Variants in COL27A1 observed in about 807,000 individuals in gnomAD.
COL27A1 encodes collagen type XXVII alpha 1 chain.
A neutral mutation model predicts 251.3 loss-of-function variants in COL27A1; 106 were observed. That is an observed-to-expected ratio of 0.42 (90% confidence interval 0.36 to 0.50). COL27A1 has a LOEUF of 0.50. Among genes scored for constraint, COL27A1 ranks in the 20% least tolerant of loss-of-function variants. The pLI is 0.00. For synonymous variants in COL27A1, 1,000 were observed against 986.3 expected (o/e 1.01, Z -0.26); for missense variants, 2,325 against 2,522.8 (o/e 0.92, Z 1.68).
chr9:114,223,955 G>T (rs1017737015), intron 14 of COL27A1, among the ~76,000 whole-genome samples: 3 of 152,098 alleles, frequency 2.0e-5, no homozygotes, highest in African/African-American at 4.8e-5. Flanking sequence ...GCAGCTATCC[G>T]GGTTACTGAA....
intron 5 of COL27A1, among the ~76,000 whole-genome samples, chr9:114,190,550 G>A (rs1032332384): frequency 2.0e-5 from 3 of 152,156 alleles, no homozygotes; most frequent in Admixed American, 2.0e-4. Flanking sequence ...TTACAGGCAT[G>A]AGCCACCATG....
At chr9:114,282,360 T>C in intron 38 of COL27A1, 30 bp downstream of exon 38, 3 of 1,613,544 alleles carry the variant, frequency 1.9e-6, no homozygotes, top group Non-Finnish European at 2.5e-6. Context: ...TTGATAGGCC[T>C]GCGTCCCTCC....
At chr9:114,247,229 A>G (rs1458338443) in intron 24 of COL27A1, among the ~76,000 whole-genome samples, 2 of 152,172 alleles carry the variant, frequency 1.3e-5, no homozygotes, top group African/African-American at 4.8e-5. Context: ...AGCGGCCTCA[A>G]TTTTGAAGTA....
intron 8 of COL27A1, among the ~76,000 whole-genome samples, 179 bp from the exon 9 acceptor site, chr9:114,205,580 G>A (rs972086108): frequency 6.6e-6 from 1 of 152,198 alleles, no homozygotes; most frequent in African/African-American, 2.4e-5. Context: ...TTGTCCCTCA[G>A]AGCTGGTCTG....
At chr9:114,205,583 C>G (rs1055319029) in intron 8 of COL27A1, among the ~76,000 whole-genome samples, 176 bp from the exon 9 acceptor site, 4 of 152,224 alleles carry the variant, frequency 2.6e-5, no homozygotes, top group Non-Finnish European at 5.9e-5. Context: ...TCCCTCAGAG[C>G]TGGTCTGACC....
intron 2 of COL27A1, among the ~76,000 whole-genome samples, chr9:114,166,368 A>AATCC (rs377695234): frequency 0.24 from 8,715 of 37,072 alleles, 578 homozygotes; most frequent in African/African-American, 0.31. Context: ...TCCATCCATC[A>AATCC]ATCCATCCAT....
chr9:114,283,747 A>G lies in COL27A1; in HGVS notation c.3918A>G (p.Gly1306=). The G allele has an allele frequency of 6.2e-7, 1 of 1,614,058 alleles. No individual in the cohort carries two copies. The highest frequency in any genetic ancestry group is 8.5e-7 in the Non-Finnish European group (1 of 1,179,990). Residue 1306 remains glycine, a synonymous_variant, in exon 40 of 61, where the codon GGA becomes GGG. Transcript: ENST00000356083. ...GCATGGGGGCCCAAGGAGAACCGGG[A>G]CTGGCTGGTTATGATGTAAGCAGAT... ...PGRMGAQGEP[G]LAGYDGHKGI...
intron 37 of COL27A1, among the ~76,000 whole-genome samples, chr9:114,279,352 A>T (rs140339710): frequency 6.6e-6 from 1 of 152,196 alleles, no homozygotes; most frequent in Non-Finnish European, 1.5e-5. Context: ...ACAAACATTT[A>T]TGTGGAATGA....
At chr9:114,304,190 C>T (rs1828864293) in intron 56 of COL27A1, among the ~76,000 whole-genome samples, 1 of 152,160 alleles carries the variant, frequency 6.6e-6, no homozygotes, top group African/African-American at 2.4e-5. Context: ...CCAGATGGTG[C>T]ATTGAAGGGA....
chr9:114,289,399 C>A (rs1588879456), intron 45 of COL27A1, 104 bp downstream of exon 45: 1 of 1,194,112 alleles, frequency 8.4e-7, no homozygotes, highest in Non-Finnish European at 1.2e-6. Context: ...GGCTGCGAGG[C>A]AGGGTAGGGA....
intron 53 of COL27A1, 45 bp downstream of exon 53, chr9:114,301,364 G>T: frequency 2.5e-6 from 4 of 1,612,226 alleles, no homozygotes; most frequent in South Asian, 2.2e-5. Flanking sequence ...CTGCAGGGGC[G>T]GGGGAGGGGT....
chr9:114,264,275 GGAGCAGCCCCGCCCTCCTGGTTCTCC>G, intron 28 of COL27A1, 54 bp from the exon 29 acceptor site: 1 of 1,169,336 alleles, frequency 8.6e-7, no homozygotes, highest in South Asian at 1.7e-5. Flanking sequence ...CCCCAGGCTT[GGAGCAGCCCCGCCCTCCTGGTTCTCC>G]GCCCGAGGGA....
intron 4 of COL27A1, among the ~76,000 whole-genome samples, chr9:114,181,745 A>C (rs990541021): frequency 2.1e-4 from 32 of 152,052 alleles, no homozygotes; most frequent in Non-Finnish European, 2.8e-4. Flanking sequence ...GTTATCGGGG[A>C]ACTTGGATAT....
At chr9:114,204,987 TC>T in intron 7 of COL27A1, 114 bp from the exon 8 acceptor site, 3 of 910,586 alleles carry the variant, frequency 3.3e-6, no homozygotes, top group Non-Finnish European at 5.3e-6. Context: ...GCACACTCCA[TC>T]CCGGATGCAG....
At chr9:114,302,469 G>A (rs574873186) in intron 56 of COL27A1, among the ~76,000 whole-genome samples, 17 of 152,298 alleles carry the variant, frequency 1.1e-4, no homozygotes, top group Non-Finnish European at 1.8e-4. Flanking sequence ...GCTCATGCCT[G>A]TAATCCCAGC....
intron 27 of COL27A1, among the ~76,000 whole-genome samples, chr9:114,254,716 C>T (rs1380912300): frequency 6.6e-6 from 1 of 152,180 alleles, no homozygotes; most frequent in African/African-American, 2.4e-5. Flanking sequence ...TAAACCTGTT[C>T]TCTACTGTGA....
In COL27A1 at chr9:114,169,374, A is replaced by G; in HGVS notation, c.1819A>G (p.Ser607Gly). The G allele has an allele frequency of 6.2e-7, 1 of 1,611,440 alleles. No individual in the cohort carries two copies. Residue 607 changes from serine to glycine, a missense_variant, in exon 3 of 61, where the codon AGT becomes GGT. Around this residue, in one of 4 missense-constraint regions of COL27A1, gnomAD observed 1,183 missense variants for 1,144.1 expected, o/e 1.03. Coordinates refer to ENST00000356083, the MANE Select transcript of COL27A1 (RefSeq NM_032888.4). The stretch of plus-strand genomic sequence containing the variant: ...GTCCTCCAGCCCCCGGCCCACGAGC[A>G]GTGGCTATTCGATCTTCCACCTGGC... ...FLSSSPRPTS[S>G]GYSIFHLAGS...
chr9:114,282,348 A>C lies in COL27A1; in HGVS notation c.3771+18A>C, dbSNP rs765287889. The C allele has an allele frequency of 6.2e-7, 1 of 1,613,826 alleles. No homozygotes were observed. Among genetic ancestry groups the C allele is most frequent in the Non-Finnish European group, 8.5e-7 (1 of 1,179,924 alleles). On this transcript the variant is annotated intron_variant, in intron 38 of 60. Coordinates refer to ENST00000356083, the MANE Select transcript of COL27A1 (RefSeq NM_032888.4). ...GAGCCAAGGTAGGTGTCCCCTTCTGACTTGATAGGCCTGCGTCCCTCCCCC... is the reference window on the plus strand; with the variant it reads ...GAGCCAAGGTAGGTGTCCCCTTCTGCCTTGATAGGCCTGCGTCCCTCCCCC...
intron 12 of COL27A1, among the ~76,000 whole-genome samples, chr9:114,211,494 C>A (rs1418932917): frequency 6.6e-6 from 1 of 152,258 alleles, no homozygotes; most frequent in Non-Finnish European, 1.5e-5. Context: ...GCAGTGCCCA[C>A]AGCAGGCATG....
Sources: allele counts gnomAD v4.1 joint callset (sites outside exome capture counted in the v4.1 genomes callset), GRCh38; gene constraint gnomAD v4.1.1; regional missense constraint gnomAD v4.1.1; transcripts MANE v1.5; gene names NCBI Gene and HGNC (gene_info 2026-07-23, HGNC 2026-07-21).